Variants in INO80C observed in about 807,000 individuals in gnomAD.
INO80C encodes IES6 homolog.
Under a neutral mutation model 17.7 loss-of-function variants are expected in INO80C, and 17 were observed. The observed-to-expected ratio is 0.96, with a 90% CI of 0.66 to 1.44. The LOEUF (loss-of-function observed/expected upper bound fraction) is 1.44. Ranked by LOEUF, INO80C falls within the 40% of genes most tolerant of loss-of-function variation. The probability of loss-of-function intolerance (pLI) is 0.00; values close to 1 mark genes in which losing one functional copy is unlikely to be tolerated. For missense variants in INO80C, 244 were observed against 245.0 expected (o/e 1.00, Z 0.03); for synonymous variants, 96 against 95.8 (o/e 1.00, Z -0.01).
In INO80C at chr18:35,468,460, A is replaced by C. The variant is rs1567975659; in HGVS notation, c.*151T>G. 4.1e-6 allele frequency: 6 copies of C among 1,474,650 alleles called. No homozygotes were observed. Among genetic ancestry groups the C allele is most frequent in the Admixed American group, 4.8e-5 (2 of 41,522 alleles). The allele number at this position is 1,474,650 out of a possible 1,614,324, so 91.3% of individuals were successfully genotyped here. On this transcript the variant is annotated 3_prime_UTR_variant, in exon 5 of 5. Coordinates refer to ENST00000334598, the MANE Select transcript of INO80C (RefSeq NM_194281.4). Reference sequence around the variant, plus strand: ...GGAAAACACACACTAAAAAAAAAAAAAACCCTTAAATTAAAGCCAAACATT... The same window carrying C: ...GGAAAACACACACTAAAAAAAAAAACAACCCTTAAATTAAAGCCAAACATT...
At chr18:35,476,498 C>T (rs754508785) in intron 4 of INO80C, among the ~76,000 whole-genome samples, 6 of 152,154 alleles carry the variant, frequency 3.9e-5, no homozygotes, top group South Asian at 4.1e-4. Flanking sequence ...CTATTGTCTC[C>T]GTTTTTCATA....
chr18:35,482,761 C>T (rs1402953069), intron 1 of INO80C, among the ~76,000 whole-genome samples: 3 of 152,118 alleles, frequency 2.0e-5, no homozygotes, highest in East Asian at 1.9e-4. Flanking sequence ...CCCTCCCTTC[C>T]GCACCCCACT....
At chr18:35,494,312 A>C (rs907791303) in intron 1 of INO80C, among the ~76,000 whole-genome samples, 2 of 152,344 alleles carry the variant, frequency 1.3e-5, no homozygotes, top group Middle Eastern at 3.4e-3. Flanking sequence ...TTATTCAAGC[A>C]GACACTAATC....
chr18:35,486,786 TAAAAAAAAAAA>T (rs374753662), intron 1 of INO80C, among the ~76,000 whole-genome samples: 1 of 79,682 alleles, frequency 1.3e-5, no homozygotes, highest in Non-Finnish European at 2.5e-5. Flanking sequence ...CCCAATTTCT[TAAAAAAAAAAA>T]AAAAAAAAAA....
intron 1 of INO80C, chr18:35,497,304 A>T: frequency 1.0e-6 from 1 of 980,144 alleles, no homozygotes; most frequent in Non-Finnish European, 1.2e-6. Context: ...ACTTATCAAT[A>T]CATCTTGTAT....
At chr18:35,473,678 A>T (rs1031110259) in intron 4 of INO80C, among the ~76,000 whole-genome samples, 8 of 152,098 alleles carry the variant, frequency 5.3e-5, no homozygotes, top group Non-Finnish European at 1.0e-4. Context: ...GAATAGAGAG[A>T]TCTCTATAAC....
At chr18:35,493,993 G>C (rs1004722932) in intron 1 of INO80C, among the ~76,000 whole-genome samples, 9 of 152,138 alleles carry the variant, frequency 5.9e-5, no homozygotes, top group Non-Finnish European at 5.9e-5. Context: ...GGGCAACCTG[G>C]GTTAATCTCA....
intron 4 of INO80C, among the ~76,000 whole-genome samples, chr18:35,472,443 T>C (rs1176459199): frequency 6.6e-6 from 1 of 152,190 alleles, no homozygotes; most frequent in Non-Finnish European, 1.5e-5. Flanking sequence ...CGCTTTTTGA[T>C]GGGGTTGTTT....
intron 1 of INO80C, among the ~76,000 whole-genome samples, chr18:35,486,572 A>G (rs1478293855): frequency 6.6e-6 from 1 of 152,190 alleles, no homozygotes; most frequent in East Asian, 1.9e-4. Flanking sequence ...GAATGAATAA[A>G]GCTAGTAGTG....
At chr18:35,489,741 A>G (rs952161862) in intron 1 of INO80C, among the ~76,000 whole-genome samples, 5 of 152,250 alleles carry the variant, frequency 3.3e-5, no homozygotes, top group Non-Finnish European at 2.9e-5. Flanking sequence ...AAGTCTGTGT[A>G]TTAAATATCA....
chr18:35,497,505 C>T, intron 1 of INO80C: 1 of 1,364,466 alleles, frequency 7.3e-7, no homozygotes, highest in South Asian at 1.7e-5. Flanking sequence ...AACCTCCCTA[C>T]TTCTTCTTCT....
chr18:35,488,896 A>T (rs2045905269), intron 1 of INO80C, among the ~76,000 whole-genome samples: 1 of 152,146 alleles, frequency 6.6e-6, no homozygotes, highest in Non-Finnish European at 1.5e-5. Context: ...GATACCCGAA[A>T]TCATCTCCCT....
intron 1 of INO80C, among the ~76,000 whole-genome samples, chr18:35,490,663 T>C (rs1329114594): frequency 6.6e-6 from 1 of 152,200 alleles, no homozygotes; most frequent in East Asian, 1.9e-4. Flanking sequence ...ACCATCCACA[T>C]ACCTGCCAGC....
intron 4 of INO80C, among the ~76,000 whole-genome samples, chr18:35,473,470 G>A (rs983604069): frequency 6.6e-6 from 1 of 152,184 alleles, no homozygotes; most frequent in Non-Finnish European, 1.5e-5. Flanking sequence ...TATTGGCAAA[G>A]CTGAGTAACA....
rs1348548490 is a variant in INO80C, at chr18:35,479,183, T to A, written c.379+117A>T. The A allele has an allele frequency of 1.5e-5, 10 of 658,466 alleles. No homozygotes were observed. In the Admixed American group the frequency reaches 2.8e-4, roughly 18 times the overall value. 40.8% of individuals were successfully genotyped at this position (658,466 alleles called of 1,614,324 possible). Reference sequence around the variant, plus strand: ...GCCCAGACTGATGCCACTATAAAATTCTCAAGCTAAAAATTATTTCCTACA... The same window carrying A: ...GCCCAGACTGATGCCACTATAAAATACTCAAGCTAAAAATTATTTCCTACA... On this transcript the variant is annotated intron_variant, in intron 3 of 4. Transcript: ENST00000334598.
At chr18:35,480,587 T>G (rs372221831) in intron 1 of INO80C, 24 bp from the exon 2 acceptor site, 3 of 1,556,468 alleles carry the variant, frequency 1.9e-6, no homozygotes, top group Non-Finnish European at 2.7e-6. Context: ...AAAAATAGTT[T>G]GAAGAAGTCA....
chr18:35,493,706 A>G (rs1340763618), intron 1 of INO80C, among the ~76,000 whole-genome samples: 1 of 152,228 alleles, frequency 6.6e-6, no homozygotes, highest in Non-Finnish European at 1.5e-5. Flanking sequence ...AACAGCAAGC[A>G]TATTTCAGGA....
intron 1 of INO80C, chr18:35,483,442 T>C (rs2045837818): frequency 1.3e-5 from 2 of 152,204 alleles, no homozygotes; most frequent in African/African-American, 2.4e-5. Flanking sequence ...AGCTTTATGA[T>C]ACACGCAGGG....
intron 4 of INO80C, among the ~76,000 whole-genome samples, chr18:35,470,860 C>T (rs1282817350): frequency 6.6e-6 from 1 of 152,236 alleles, no homozygotes; most frequent in Non-Finnish European, 1.5e-5. Flanking sequence ...CTACAGTCCA[C>T]CCTCCTCTGG....
Sources: gnomAD v4.1 joint callset for allele counts (sites outside exome capture counted in the v4.1 genomes callset) on GRCh38, gnomAD v4.1.1 for gene constraint, MANE v1.5 for transcripts, NCBI Gene and HGNC (gene_info 2026-07-23, HGNC 2026-07-21) for gene names.